The following MEI4 variants were observed in gnomAD, a reference collection of about 807,000 sequenced individuals.
MEI4 encodes meiosis-specific protein MEI4.
A neutral mutation model predicts 31.4 loss-of-function variants in MEI4; 27 were observed. The observed-to-expected ratio is 0.86, with a 90% CI of 0.63 to 1.19. MEI4 has a LOEUF of 1.19. Ranked by LOEUF, MEI4 falls within the 50% of genes most tolerant of loss-of-function variation. The pLI, the probability that MEI4 is intolerant of heterozygous loss-of-function variation, is 0.00. For missense variants in MEI4, 329 were observed against 398.9 expected, an observed-to-expected ratio of 0.82 and a Z score of 1.49; for synonymous variants, 122 against 145.4, an observed-to-expected ratio of 0.84 and a Z score of 1.16.
chr6:77,798,301 A>G (rs1395694967), intron 3 of MEI4, among the ~76,000 whole-genome samples: 1 of 151,522 alleles, frequency 6.6e-6, no homozygotes, highest in Non-Finnish European at 1.5e-5. Context: ...ATCCTAACGT[A>G]TTGATTATTA....
chr6:77,741,121 C>G (rs1386821380), intron 2 of MEI4, among the ~76,000 whole-genome samples: 1 of 151,928 alleles, frequency 6.6e-6, no homozygotes, highest in Non-Finnish European at 1.5e-5. Flanking sequence ...AGAAACACAC[C>G]AGATGGGAAA....
intron 4 of MEI4, among the ~76,000 whole-genome samples, chr6:77,903,385 T>A (rs1409627859): frequency 6.6e-6 from 1 of 152,174 alleles, no homozygotes; most frequent in Non-Finnish European, 1.5e-5. Flanking sequence ...TTATTTTAGA[T>A]GTTTTCTTTC....
Position 77,888,339 on chromosome 6 carries a change from T to TC in MEI4, c.901-34750_901-34749insC, listed in dbSNP as rs1309596748. Reference sequence around the variant, plus strand: ...TTTTTTTGTATATCCTTTTTCTTTTTTTTTTTTCTCTCTTACTGTTTGTCA... The same window carrying TC: ...TTTTTTTGTATATCCTTTTTCTTTTTCTTTTTTTCTCTCTTACTGTTTGTCA... On this transcript the variant is annotated intron_variant, in intron 4 of 4. Coordinates refer to ENST00000684080, the MANE Select transcript of MEI4 (RefSeq NM_001322247.2). Among the ~76,000 whole-genome samples the TC allele has an allele frequency of 8.6e-5, 13 of 151,922 alleles. No homozygotes were observed. In the East Asian group the frequency reaches 9.7e-4, roughly 11 times the overall value.
chr6:77,889,753 G>T (rs6911385), intron 4 of MEI4, among the ~76,000 whole-genome samples: 21,343 of 152,136 alleles, frequency 0.14, 1,774 homozygotes, highest in East Asian at 0.39. Flanking sequence ...AAATGGTTTT[G>T]TGGGCCAGGG....
At chr6:77,908,694 G>C (rs1735736592) in intron 4 of MEI4, among the ~76,000 whole-genome samples, 1 of 152,088 alleles carries the variant, frequency 6.6e-6, no homozygotes, top group South Asian at 2.1e-4. Flanking sequence ...GGCAGGGGTT[G>C]CAATCTTAGT....
rs370537950 is a variant in MEI4, at chr6:77,745,532, T to C, written c.233-15598T>C. The stretch of plus-strand genomic sequence containing the variant: ...ACACATTAATAATGGGAGACTTTAA[T>C]ACCCCACTGTCAACATTAGACAGAT... On this transcript the variant is annotated intron_variant, in intron 2 of 4. Transcript: ENST00000684080. Among the ~76,000 whole-genome samples, 212 of 152,274 alleles carry C rather than the reference T, an allele frequency of 1.4e-3. 1 individual carries two copies. The highest frequency in any genetic ancestry group is 4.5e-3 in the African/African-American group (185 of 41,540).
chr6:77,777,915 A>G (rs1203858916), intron 3 of MEI4, among the ~76,000 whole-genome samples: 7 of 152,170 alleles, frequency 4.6e-5, no homozygotes, highest in Admixed American at 3.9e-4. Context: ...ATGGTTATGA[A>G]AACACATAAA....
intron 4 of MEI4, among the ~76,000 whole-genome samples, chr6:77,831,952 G>A (rs1770094131): frequency 6.6e-6 from 1 of 151,916 alleles, no homozygotes; most frequent in Admixed American, 6.6e-5. Flanking sequence ...AAAGATAAAT[G>A]TTTGCAATGA....
chr6:77,842,384 G>A (rs934198987), intron 4 of MEI4, among the ~76,000 whole-genome samples: 3 of 152,134 alleles, frequency 2.0e-5, no homozygotes, highest in Non-Finnish European at 4.4e-5. Context: ...GATAATTTAT[G>A]AGATGCATTT....
At chr6:77,768,355 A>G (rs1768226117) in intron 3 of MEI4, among the ~76,000 whole-genome samples, 1 of 152,202 alleles carries the variant, frequency 6.6e-6, no homozygotes, top group African/African-American at 2.4e-5. Flanking sequence ...TCATAAAGAC[A>G]ATATTTACAT....
intron 4 of MEI4, among the ~76,000 whole-genome samples, chr6:77,904,708 C>T (rs990978365): frequency 2.6e-5 from 4 of 152,042 alleles, no homozygotes; most frequent in East Asian, 1.9e-4. Context: ...ATCCAGTCCA[C>T]GGTTGATGAG....
chr6:77,659,420 A>C (rs1768459473), intron 1 of MEI4, among the ~76,000 whole-genome samples: 1 of 152,166 alleles, frequency 6.6e-6, no homozygotes, highest in Non-Finnish European at 1.5e-5. Context: ...GGAGTGCTGA[A>C]AGGGGTGTCT....
At chr6:77,908,378 T>C (rs1022090158) in intron 4 of MEI4, among the ~76,000 whole-genome samples, 1 of 152,186 alleles carries the variant, frequency 6.6e-6, no homozygotes, top group African/African-American at 2.4e-5. Context: ...GTTAGCCAGT[T>C]TTCCCAGCAC....
chr6:77,735,279 C>G (rs9352520), intron 2 of MEI4, among the ~76,000 whole-genome samples: 1 of 151,256 alleles, frequency 6.6e-6, no homozygotes, highest in Non-Finnish European at 1.5e-5. Context: ...ACCAATCAGA[C>G]GTAGATTTGG....
intron 4 of MEI4, among the ~76,000 whole-genome samples, chr6:77,906,201 T>C (rs1472609404): frequency 1.3e-5 from 2 of 152,174 alleles, no homozygotes; most frequent in Admixed American, 6.6e-5. Context: ...GGGCAACTAC[T>C]AAATTATCGT....
chr6:77,655,841 T>A (rs73457405), intron 1 of MEI4, among the ~76,000 whole-genome samples: 8,401 of 152,232 alleles, frequency 0.055, 769 homozygotes, highest in African/African-American at 0.19. Context: ...TCTGTTCTTA[T>A]GTCCATTATT....
chr6:77,818,158 A>G (rs1037582322), intron 3 of MEI4, among the ~76,000 whole-genome samples: 1 of 152,160 alleles, frequency 6.6e-6, no homozygotes, highest in African/African-American at 2.4e-5. Flanking sequence ...AAAAACTTAC[A>G]TTGCTGCCTA....
At chr6:77,656,160 C>G (rs979756741) in intron 1 of MEI4, among the ~76,000 whole-genome samples, 1 of 152,006 alleles carries the variant, frequency 6.6e-6, no homozygotes, top group East Asian at 1.9e-4. Flanking sequence ...TTAGATTAAT[C>G]TGAATGAGTA....
chr6:77,866,901 C>A (rs1011738888), intron 4 of MEI4, among the ~76,000 whole-genome samples: 1 of 152,090 alleles, frequency 6.6e-6, no homozygotes, highest in Admixed American at 6.6e-5. Flanking sequence ...CAGAACAGAG[C>A]TCTCAGAAAT....
Sources: allele counts gnomAD v4.1 joint callset (sites outside exome capture counted in the v4.1 genomes callset), GRCh38; gene constraint gnomAD v4.1.1; transcripts MANE v1.5; gene names NCBI Gene and HGNC (gene_info 2026-07-23, HGNC 2026-07-21).